Variants in SUPT16H observed in about 807,000 individuals in gnomAD.
SUPT16H encodes the protein SPT16 homolog, facilitates chromatin remodeling subunit, also known as FACT complex subunit SPT16.
SUPT16H carries 24 observed loss-of-function variants against 136.2 expected under a neutral mutation model. The observed-to-expected ratio is 0.18, with a 90% CI of 0.13 to 0.25. The LOEUF is 0.25. SUPT16H is among the 10% of genes least tolerant of loss of function. SUPT16H has a pLI of 1.00. For synonymous variants in SUPT16H, 415 were observed against 428.2 expected (o/e 0.97, Z 0.38); for missense variants, 623 against 1,270.2 (o/e 0.49, Z 7.74).
intron 1 of SUPT16H, 28 bp downstream of exon 1, chr14:21,383,834 C>A: frequency 6.2e-7 from 1 of 1,613,708 alleles, no homozygotes; most frequent in Non-Finnish European, 8.5e-7. Context: ...AGGGGGCTCC[C>A]TAGGAAAAAT....
intron 1 of SUPT16H, among the ~76,000 whole-genome samples, chr14:21,377,239 G>C (rs182981100): frequency 1.3e-5 from 2 of 152,256 alleles, no homozygotes; most frequent in East Asian, 3.9e-4. Context: ...ATGAGCTTGA[G>C]ACTAAAAGGA....
intron 19 of SUPT16H, 141 bp from the exon 20 acceptor site, chr14:21,358,568 T>G (rs536871820): frequency 1.6e-6 from 1 of 624,866 alleles, no homozygotes; most frequent in African/African-American, 1.8e-5. Flanking sequence ...TTTGCAGGTT[T>G]GTTACACAGG....
intron 10 of SUPT16H, 97 bp downstream of exon 10, chr14:21,364,730 G>C: frequency 1.0e-6 from 1 of 998,182 alleles, no homozygotes; most frequent in Non-Finnish European, 1.5e-6. Context: ...CTTCCCCTTA[G>C]CTAGCATTTA....
intron 3 of SUPT16H, among the ~76,000 whole-genome samples, chr14:21,371,643 CA>C (rs1305526544): frequency 6.6e-6 from 1 of 152,186 alleles, no homozygotes; most frequent in African/African-American, 2.4e-5. Context: ...AGAATGGAGA[CA>C]TAAAATCAGT....
chr14:21,370,346 C>G lies in SUPT16H; in HGVS notation c.473G>C (p.Gly158Ala). The G allele has an allele frequency of 6.2e-7, 1 of 1,611,192 alleles. No homozygotes were observed. Among genetic ancestry groups the G allele is most frequent in the South Asian group, 1.1e-5 (1 of 90,516 alleles). The change falls in exon 4 of 26, where the codon GGC (glycine) becomes GCC (alanine). Residue 158 changes from glycine to alanine, a missense_variant. By Grantham distance (60) the Gly-to-Ala change is moderately conservative (BLOSUM62 0). This residue lies in a region of SUPT16H where 343 missense variants were observed against 525.7 expected (regional missense o/e 0.65). Coordinates refer to ENST00000216297, the MANE Select transcript of SUPT16H (RefSeq NM_007192.4). ...KSWNDCLNKE[G>A]FDKIDISAVV... ...CAGTAGTATTCTTACTTTGTCAAAG[C>G]CTTCTTTGTTGAGGCAGTCATTCCA...
chr14:21,354,720 T>C (rs892913808), intron 22 of SUPT16H, 180 bp from the exon 23 acceptor site: 2 of 578,634 alleles, frequency 3.5e-6, no homozygotes, highest in African/African-American at 3.9e-5. Context: ...GCCTCCCGAG[T>C]ATCTGGGATT....
intron 1 of SUPT16H, among the ~76,000 whole-genome samples, chr14:21,379,843 C>T (rs186564543): frequency 1.2e-3 from 181 of 152,050 alleles, no homozygotes; most frequent in South Asian, 1.7e-3. Flanking sequence ...AGTGATTGTG[C>T]CATTGCAATC....
At chr14:21,381,556 A>G (rs1326339259) in intron 1 of SUPT16H, among the ~76,000 whole-genome samples, 4 of 151,752 alleles carry the variant, frequency 2.6e-5, no homozygotes, top group African/African-American at 9.7e-5. Context: ...AATTTTAGTC[A>G]TAACAGTTTT....
chr14:21,363,219 A>C lies in SUPT16H; in HGVS notation c.1395+14T>G, dbSNP rs759586543. On this transcript the variant is annotated intron_variant, in intron 12 of 25. Transcript: ENST00000216297. ...GACAGCCGAGATCAATGTAATTTAA[A>C]ATAGTAAACTTACTCTTGTTCTTTC... 1.9e-6 allele frequency: 3 copies of C among 1,614,120 alleles called. 1 individual carries two copies. The South Asian group carries it at 3.3e-5, about 18-fold the overall frequency.
At chr14:21,363,175 C>G (rs776696641) in intron 12 of SUPT16H, 26 bp from the exon 13 acceptor site, 1 of 1,613,924 alleles carries the variant, frequency 6.2e-7, no homozygotes, top group Non-Finnish European at 8.5e-7. Context: ...TCCAATTTAT[C>G]ACAACACGTG....
chr14:21,361,383 C>G, intron 15 of SUPT16H, 170 bp from the exon 16 acceptor site: 1 of 744,146 alleles, frequency 1.3e-6, no homozygotes, highest in Non-Finnish European at 2.1e-6. Context: ...GTGGCCCAAT[C>G]TTAGCTCACT....
chr14:21,367,524 C>T (rs963119084), intron 7 of SUPT16H, among the ~76,000 whole-genome samples: 5 of 152,106 alleles, frequency 3.3e-5, no homozygotes, highest in Non-Finnish European at 7.3e-5. Flanking sequence ...CTATCTATGG[C>T]TATGATTTCC....
At chr14:21,358,054 TACC>T in intron 20 of SUPT16H, 52 bp from the exon 21 acceptor site, 6 of 1,513,760 alleles carry the variant, frequency 4.0e-6, no homozygotes, top group Non-Finnish European at 5.5e-6. Flanking sequence ...AGACTGCTCC[TACC>T]ACAACAGACA....
chr14:21,373,916 C>T (rs147866368), intron 1 of SUPT16H, among the ~76,000 whole-genome samples: 3,166 of 152,108 alleles, frequency 0.021, 108 homozygotes, highest in African/African-American at 0.073. Context: ...TCAGTAGAGA[C>T]AGGGTTTCAC....
chr14:21,362,550 C>T (rs541629802), intron 14 of SUPT16H, among the ~76,000 whole-genome samples: 1 of 152,082 alleles, frequency 6.6e-6, no homozygotes, highest in East Asian at 1.9e-4. Flanking sequence ...AAAAGTTAAA[C>T]AATGATTAAA....
chr14:21,370,515 C>T (rs1216147411), intron 3 of SUPT16H, 27 bp from the exon 4 acceptor site: 2 of 1,611,846 alleles, frequency 1.2e-6, no homozygotes, highest in African/African-American at 2.7e-5. Context: ...GAAGAAAAGA[C>T]ACATATGTTT....
At chr14:21,379,373 T>C (rs1183742226) in intron 1 of SUPT16H, among the ~76,000 whole-genome samples, 2 of 151,062 alleles carry the variant, frequency 1.3e-5, no homozygotes, top group Non-Finnish European at 2.9e-5. Flanking sequence ...GAGGCAGAGG[T>C]TGCAGTGAGC....
At chr14:21,370,149 T>C (rs1886754872) in intron 4 of SUPT16H, among the ~76,000 whole-genome samples, 187 bp downstream of exon 4, 1 of 152,194 alleles carries the variant, frequency 6.6e-6, no homozygotes, top group South Asian at 2.1e-4. Flanking sequence ...TAGACGTTTT[T>C]TGTAAAGGCA....
At chr14:21,361,311 CTTTTT>C (rs35486887) in intron 15 of SUPT16H, 98 bp from the exon 16 acceptor site, 16,956 of 458,984 alleles carry the variant, frequency 0.037, 111 homozygotes, top group African/African-American at 0.12. Context: ...CTCTACTTTG[CTTTTT>C]TTTTTTTTTT....
Sources: gnomAD v4.1 joint callset for allele counts (sites outside exome capture counted in the v4.1 genomes callset) on GRCh38, gnomAD v4.1.1 for gene constraint, gnomAD v4.1.1 regional missense constraint, MANE v1.5 for transcripts, NCBI Gene and HGNC (gene_info 2026-07-23, HGNC 2026-07-21) for gene names.